Variants in EXOC6B observed in about 807,000 individuals in gnomAD.
The protein encoded by EXOC6B is SEC15 homolog B.
Under a neutral mutation model 113.5 loss-of-function variants are expected in EXOC6B, and 54 were observed. The ratio of observed to expected loss-of-function variants is 0.48; its 90% CI spans 0.38 to 0.60. The LOEUF is 0.60. EXOC6B is among the 20% of genes least tolerant of loss of function. EXOC6B has a pLI of 0.00. For missense variants in EXOC6B, 797 were observed against 977.5 expected (o/e 0.82, Z 2.46); for synonymous variants, 357 against 339.0 (o/e 1.05, Z -0.58).
intron 18 of EXOC6B, among the ~76,000 whole-genome samples, chr2:72,386,122 A>G (rs1692011317): frequency 6.6e-6 from 1 of 152,116 alleles, no homozygotes; most frequent in Non-Finnish European, 1.5e-5. Flanking sequence ...TTGTCCATCA[A>G]TGGATGAATG....
intron 6 of EXOC6B, among the ~76,000 whole-genome samples, chr2:72,594,000 A>C (rs1367872398): frequency 6.6e-6 from 1 of 152,168 alleles, no homozygotes; most frequent in Non-Finnish European, 1.5e-5. Context: ...GCTGTTGTTA[A>C]GACAGGCTTT....
At chr2:72,736,603 G>C (rs1031451194) in intron 2 of EXOC6B, among the ~76,000 whole-genome samples, 1 of 152,122 alleles carries the variant, frequency 6.6e-6, no homozygotes, top group African/African-American at 2.4e-5. Flanking sequence ...GAAGGAATTT[G>C]CAACTTGAAG....
chr2:72,569,541 T>C (rs953971104), intron 7 of EXOC6B, among the ~76,000 whole-genome samples: 3 of 152,172 alleles, frequency 2.0e-5, no homozygotes, highest in East Asian at 3.8e-4. Context: ...GTGAATCTAA[T>C]TGACCTGCAG....
chr2:72,264,906 T>C (rs557231986), intron 20 of EXOC6B, among the ~76,000 whole-genome samples: 1 of 152,232 alleles, frequency 6.6e-6, no homozygotes, highest in African/African-American at 2.4e-5. Flanking sequence ...CTTTTCTTTA[T>C]AAATTACCTA....
At chr2:72,798,533 GTTC>G (rs1470954716) in intron 1 of EXOC6B, among the ~76,000 whole-genome samples, 2 of 152,100 alleles carry the variant, frequency 1.3e-5, no homozygotes. Flanking sequence ...ACCTAAGCAG[GTTC>G]TAAGATTCCA....
chr2:72,516,006 T>C (rs1316080154), intron 8 of EXOC6B, among the ~76,000 whole-genome samples: 2 of 152,148 alleles, frequency 1.3e-5, no homozygotes, highest in African/African-American at 4.8e-5. Flanking sequence ...TCAGAGATTG[T>C]TGATCACCAG....
chr2:72,253,314 T>C (rs1683141670), intron 20 of EXOC6B, among the ~76,000 whole-genome samples: 1 of 152,128 alleles, frequency 6.6e-6, no homozygotes, highest in Non-Finnish European at 1.5e-5. Context: ...TAAAACAGAA[T>C]TACCATTAGA....
At chr2:72,331,422 A>C (rs948128562) in intron 20 of EXOC6B, among the ~76,000 whole-genome samples, 1 of 152,156 alleles carries the variant, frequency 6.6e-6, no homozygotes, top group Non-Finnish European at 1.5e-5. Context: ...AGTACTGAGA[A>C]TCTACTATTG....
rs187669052 is a variant in EXOC6B, at chr2:72,387,880, C to G, written c.1981-8010G>C. ...TTGAGCTGGGTTTCAATTTGCTCTT[C>G]TTTTTTTAGCTTCATAAGACAAAAC... On this transcript the variant is annotated intron_variant, in intron 18 of 21. Transcript: ENST00000272427. Among the ~76,000 whole-genome samples the G allele has an allele frequency of 7.5e-3, 1,136 of 152,036 alleles. 9 individuals are homozygous for G. The highest frequency in any genetic ancestry group is 0.012 in the Non-Finnish European group (827 of 67,970).
intron 6 of EXOC6B, among the ~76,000 whole-genome samples, chr2:72,578,769 T>C (rs1360797594): frequency 6.6e-6 from 1 of 151,752 alleles, no homozygotes; most frequent in Non-Finnish European, 1.5e-5. Context: ...TTTTCAGAGA[T>C]AAATGAAAAA....
intron 1 of EXOC6B, among the ~76,000 whole-genome samples, chr2:72,805,747 C>T (rs1685546733): frequency 6.6e-6 from 1 of 152,122 alleles, no homozygotes; most frequent in Admixed American, 6.5e-5. Flanking sequence ...TCTTGTCTAA[C>T]TGAAACTTAA....
At chr2:72,769,057 A>G (rs888800980) in intron 1 of EXOC6B, among the ~76,000 whole-genome samples, 3 of 152,240 alleles carry the variant, frequency 2.0e-5, no homozygotes, top group African/African-American at 7.2e-5. Flanking sequence ...AAATGTGAAT[A>G]TACTTAATGC....
At chr2:72,668,083 C>A (rs1675524524) in intron 6 of EXOC6B, among the ~76,000 whole-genome samples, 3 of 152,118 alleles carry the variant, frequency 2.0e-5, no homozygotes, top group African/African-American at 7.2e-5. Context: ...CAAAAGAAGG[C>A]CTACAAGTGG....
intron 18 of EXOC6B, chr2:72,462,190 T>C (rs1697728883): frequency 6.6e-6 from 1 of 152,148 alleles, no homozygotes; most frequent in African/African-American, 2.4e-5. Flanking sequence ...ACTTGCTAAG[T>C]AGCTGCATAG....
intron 18 of EXOC6B, among the ~76,000 whole-genome samples, chr2:72,403,496 G>T (rs777072248): frequency 5.9e-5 from 9 of 151,936 alleles, no homozygotes; most frequent in Admixed American, 2.6e-4. Flanking sequence ...AGATCAGCCT[G>T]GGAAACATAG....
At chr2:72,701,342 A>C (rs1166688411) in intron 6 of EXOC6B, among the ~76,000 whole-genome samples, 1 of 131,866 alleles carries the variant, frequency 7.6e-6, no homozygotes. Flanking sequence ...CTCCATCTTC[A>C]AAAAAAAAAA....
At chr2:72,235,663 C>T (rs1363523965) in intron 20 of EXOC6B, among the ~76,000 whole-genome samples, 1 of 151,238 alleles carries the variant, frequency 6.6e-6, no homozygotes, top group African/African-American at 2.5e-5. Flanking sequence ...GGGACTTTCC[C>T]ATTTATAACT....
intron 6 of EXOC6B, among the ~76,000 whole-genome samples, chr2:72,698,302 C>A (rs1159829894): frequency 1.3e-5 from 2 of 152,300 alleles, no homozygotes; most frequent in East Asian, 3.9e-4. Flanking sequence ...AATTAAGGAA[C>A]AAGAGTGCTG....
intron 20 of EXOC6B, chr2:72,288,875 A>C (rs182382406): frequency 6.8e-5 from 15 of 219,050 alleles, no homozygotes; most frequent in African/African-American, 3.5e-4. Context: ...TACATTGGTG[A>C]ATTTAAAATC....
Sources: allele counts gnomAD v4.1 joint callset (sites outside exome capture counted in the v4.1 genomes callset), GRCh38; gene constraint gnomAD v4.1.1; transcripts MANE v1.5; gene names NCBI Gene and HGNC (gene_info 2026-07-23, HGNC 2026-07-21).